The following SMAP2 variants were observed in gnomAD, a reference collection of about 807,000 sequenced individuals.
The protein encoded by SMAP2 is stromal membrane-associated protein 2.
SMAP2 carries 25 observed loss-of-function variants against 56.4 expected under a neutral mutation model. The ratio of observed to expected loss-of-function variants is 0.44; its 90% CI spans 0.32 to 0.62. The LOEUF (loss-of-function observed/expected upper bound fraction) is 0.62. SMAP2 is among the 20% of genes least tolerant of loss of function. The probability of loss-of-function intolerance (pLI) is 0.04; values close to 1 mark genes in which losing one functional copy is unlikely to be tolerated. For synonymous variants in SMAP2, 157 were observed against 181.7 expected, an observed-to-expected ratio of 0.86 and a Z score of 1.09; for missense variants, 388 against 545.6, an observed-to-expected ratio of 0.71 and a Z score of 2.88.
chr1:40,407,869 T>G (rs565899076), intron 2 of SMAP2, among the ~76,000 whole-genome samples: 211 of 152,272 alleles, frequency 1.4e-3, no homozygotes, highest in African/African-American at 4.9e-3. Flanking sequence ...GGAGTGAGAC[T>G]CCTAAGTTAA....
In SMAP2 at chr1:40,415,288, C is replaced by T. The variant is rs1279806123; in HGVS notation, c.588C>T (p.Cys196=). 1 of 1,613,682 alleles carries T rather than the reference C, an allele frequency of 6.2e-7. No individual in the cohort carries two copies. Among genetic ancestry groups the T allele is most frequent in the South Asian group, 1.1e-5 (1 of 91,058 alleles). ...TCTTTCTAGATGCTCCTGTGGCCTG[C>T]TCCATTGCAAATAGTAAGACCAGCA... ...DLLGLDAPVA[C]SIANSKTSNT... Residue 196 remains cysteine, a synonymous_variant, in exon 7 of 10, where the codon TGC becomes TGT. Coordinates refer to ENST00000372718, the MANE Select transcript of SMAP2 (RefSeq NM_022733.3).
intron 1 of SMAP2, among the ~76,000 whole-genome samples, chr1:40,353,755 T>C (rs1157499993): frequency 1.3e-5 from 2 of 152,000 alleles, no homozygotes; most frequent in Non-Finnish European, 2.9e-5. Context: ...ATTTCTCTCT[T>C]TCTTTCTTTT....
chr1:40,353,568 C>T (rs971753161), intron 1 of SMAP2, among the ~76,000 whole-genome samples: 3 of 152,036 alleles, frequency 2.0e-5, no homozygotes, highest in Admixed American at 1.3e-4. Flanking sequence ...TGGGTTTTCA[C>T]CATGTTGGCC....
intron 1 of SMAP2, among the ~76,000 whole-genome samples, chr1:40,355,890 T>C (rs531722828): frequency 2.6e-5 from 4 of 152,144 alleles, no homozygotes; most frequent in African/African-American, 9.6e-5. Flanking sequence ...GGATTATAGG[T>C]GTGAGCCACT....
chr1:40,350,030 C>G (rs1399529763), intron 1 of SMAP2, among the ~76,000 whole-genome samples: 1 of 152,188 alleles, frequency 6.6e-6, no homozygotes, highest in Non-Finnish European at 1.5e-5. Flanking sequence ...CTCCCGGAGG[C>G]TGTGGGGTTG....
intron 1 of SMAP2, among the ~76,000 whole-genome samples, chr1:40,399,491 C>CA (rs1644808840): frequency 7.1e-6 from 1 of 140,916 alleles, no homozygotes; most frequent in South Asian, 2.2e-4. Flanking sequence ...CTTTCTTTCT[C>CA]TTTTTTTTTT....
At chr1:40,398,210 C>T (rs932387683) in intron 1 of SMAP2, among the ~76,000 whole-genome samples, 7 of 151,872 alleles carry the variant, frequency 4.6e-5, no homozygotes, top group African/African-American at 1.4e-4. Flanking sequence ...GATTTTTTTT[C>T]TGTGCATACG....
In SMAP2 at chr1:40,421,701, A is replaced by C. The variant is rs114476674; in HGVS notation, c.1165-275A>C. Among the ~76,000 whole-genome samples the C allele has an allele frequency of 9.9e-3, 1,504 of 152,292 alleles. 24 individuals carry two copies. Among genetic ancestry groups the C allele is most frequent in the African/African-American group, 0.033 (1,356 of 41,562 alleles). ...CTGGAAAGGAAAAAGAGAGGAACTC[A>C]TGCTGATTTTCTGTCGACTAGATCC... On this transcript the variant is annotated intron_variant, in intron 9 of 9. Coordinates refer to ENST00000372718, the MANE Select transcript of SMAP2 (RefSeq NM_022733.3).
intron 1 of SMAP2, among the ~76,000 whole-genome samples, chr1:40,356,405 GT>G (rs71060371): frequency 2.6e-5 from 3 of 115,662 alleles, no homozygotes; most frequent in South Asian, 2.5e-4. Flanking sequence ...TGGGTTTTTT[GT>G]TTTTTTTTGT....
chr1:40,385,418 T>C lies in SMAP2; in HGVS notation c.103+11195T>C, dbSNP rs1644643629. On this transcript the variant is annotated intron_variant, in intron 1 of 9. Transcript: ENST00000372718. This position sits in a 1 kb window ranked among gnomAD's most constrained non-coding sequence, Gnocchi z 4.5. ...TCATAAGCTTACTTGGAAAATACTT[T>C]TTTAAAAAAAACATTTCAGGTCAAA... Among the ~76,000 whole-genome samples, 1 of 152,146 alleles carries C rather than the reference T, an allele frequency of 6.6e-6. No homozygotes were observed. The highest frequency in any genetic ancestry group is 2.1e-4 in the South Asian group (1 of 4,834).
At position 40,408,706 on chromosome 1, in the gene SMAP2, T is replaced by C. The variant is rs1644908187; in HGVS notation, c.291T>C (p.Leu97=). The part of the protein sequence containing the change: ...GKANRLYEAY[L]PETFRRPQID... ...CAAACCGACTTTATGAAGCCTATCT[T>C]CCTGAGACCTTTCGGCGACCTCAGA... The change falls in exon 3 of 10, where the codon CTT becomes CTC. Residue 97 remains leucine, a synonymous_variant. Transcript: ENST00000372718. This position sits in a 1 kb window ranked among gnomAD's most constrained non-coding sequence, Gnocchi z 4.3. 6.2e-7 allele frequency: 1 copy of C among 1,613,922 alleles called. No homozygotes were observed. The highest frequency in any genetic ancestry group is 8.5e-7 in the Non-Finnish European group (1 of 1,179,906).
chr1:40,381,383 T>C (rs538147783), intron 1 of SMAP2, among the ~76,000 whole-genome samples: 164 of 152,318 alleles, frequency 1.1e-3, no homozygotes, highest in African/African-American at 3.7e-3. Context: ...ATGAAAGCAT[T>C]GAAGAAGGCA....
At chr1:40,410,682 A>G (rs564504957) in intron 4 of SMAP2, among the ~76,000 whole-genome samples, 9 of 152,248 alleles carry the variant, frequency 5.9e-5, no homozygotes, top group East Asian at 3.9e-4. Context: ...AACACATTCC[A>G]TCCTAGGCAT....
At chr1:40,391,130 A>G (rs1457292998) in intron 1 of SMAP2, among the ~76,000 whole-genome samples, 3 of 152,176 alleles carry the variant, frequency 2.0e-5, no homozygotes, top group Admixed American at 2.0e-4. Context: ...ACAACCAAAA[A>G]TGTCTCTAGA....
At chr1:40,394,180 T>G (rs1644746689) in intron 1 of SMAP2, among the ~76,000 whole-genome samples, 1 of 152,160 alleles carries the variant, frequency 6.6e-6, no homozygotes, top group South Asian at 2.1e-4. Context: ...AAGATAAGTG[T>G]TTCAATCACA....
intron 4 of SMAP2, among the ~76,000 whole-genome samples, chr1:40,410,086 T>A (rs374269173): frequency 5.3e-5 from 8 of 151,492 alleles, no homozygotes; most frequent in Non-Finnish European, 8.8e-5. Flanking sequence ...CTACAAAAAA[T>A]TTAAAAATTA....
At position 40,422,710 on chromosome 1, in the gene SMAP2, G is replaced by A. The variant is rs1267949074; in HGVS notation, c.*609G>A. On this transcript the variant is annotated 3_prime_UTR_variant, in exon 10 of 10. Coordinates refer to ENST00000372718, the MANE Select transcript of SMAP2 (RefSeq NM_022733.3). ...CGCCCTGAGTTGCTTTCTGGATCTG[G>A]GGCTTCAGGACTTGCTGCTTCAGTC... 6.6e-6 allele frequency: 1 copy of A among 152,468 alleles called. No homozygotes were observed. 9.4% of individuals were successfully genotyped at this position (152,468 alleles called of 1,614,324 possible).
intron 2 of SMAP2, among the ~76,000 whole-genome samples, chr1:40,368,418 C>A: frequency 2.6e-5 from 1 of 37,966 alleles, no homozygotes; most frequent in Non-Finnish European, 4.9e-5. Flanking sequence ...AATTTTAGAC[C>A]AATATCCTTG....
At position 40,422,347 on chromosome 1, in the gene SMAP2, C is replaced by T. The variant is rs1432832143; in HGVS notation, c.*246C>T. 3 of 458,038 alleles carry T rather than the reference C, an allele frequency of 6.5e-6. No homozygotes were observed. Among genetic ancestry groups the T allele is most frequent in the Non-Finnish European group, 1.2e-5 (3 of 249,538 alleles). 28.4% of individuals were successfully genotyped at this position (458,038 alleles called of 1,614,324 possible). A position where few individuals can be genotyped will look rare whatever the true frequency, so the allele number is the denominator to read the frequency against. ...CCCCAGTCCTCTCCTGGCACCAGCACCTTAGAAGTTGTTGGCAGAAGGCAC... is the reference window on the plus strand; with the variant it reads ...CCCCAGTCCTCTCCTGGCACCAGCATCTTAGAAGTTGTTGGCAGAAGGCAC... On this transcript the variant is annotated 3_prime_UTR_variant, in exon 10 of 10. Transcript: ENST00000372718.
Sources: gnomAD v4.1 joint callset for allele counts (sites outside exome capture counted in the v4.1 genomes callset) on GRCh38, gnomAD v4.1.1 for gene constraint, Gnocchi (gnomAD v3.1) non-coding constraint, MANE v1.5 for transcripts, NCBI Gene and HGNC (gene_info 2026-07-23, HGNC 2026-07-21) for gene names.